Variants in FRMD5 observed in about 807,000 individuals in gnomAD.
FRMD5 encodes FERM domain-containing protein 5.
In FRMD5, 20 loss-of-function variants were observed where a neutral mutation model predicts 69.0. The ratio of observed to expected loss-of-function variants is 0.29; its 90% confidence interval spans 0.20 to 0.42. The LOEUF (loss-of-function observed/expected upper bound fraction) is 0.42. Ranked by LOEUF, FRMD5 falls within the 10% of genes least tolerant of loss-of-function variation. The pLI, the probability that FRMD5 is intolerant of heterozygous loss-of-function variation, is 1.00. For synonymous variants in FRMD5, 271 were observed against 260.1 expected (o/e 1.04, Z -0.40); for missense variants, 595 against 708.6 (o/e 0.84, Z 1.82).
chr15:44,181,211 T>A (rs915758907), intron 1 of FRMD5, among the ~76,000 whole-genome samples: 10 of 152,072 alleles, frequency 6.6e-5, no homozygotes, highest in African/African-American at 2.4e-4. Context: ...AATTTTTTTT[T>A]TTATTATTTT....
At chr15:43,890,901 G>A (rs1015346228) in intron 8 of FRMD5, among the ~76,000 whole-genome samples, 3 of 152,146 alleles carry the variant, frequency 2.0e-5, no homozygotes, top group Non-Finnish European at 4.4e-5. Flanking sequence ...ACTCAGTGGG[G>A]GAGCTGAAGA....
At chr15:44,004,505 A>G (rs118181660) in intron 1 of FRMD5, among the ~76,000 whole-genome samples, 15 of 152,296 alleles carry the variant, frequency 9.8e-5, no homozygotes, top group African/African-American at 3.4e-4. Context: ...AAAGTTTTCC[A>G]TTAATATTAT....
chr15:43,920,538 G>C (rs2089476108), intron 2 of FRMD5, among the ~76,000 whole-genome samples: 1 of 152,156 alleles, frequency 6.6e-6, no homozygotes, highest in Non-Finnish European at 1.5e-5. Context: ...TAACGTCTGG[G>C]GGAAGCAATG....
intron 2 of FRMD5, among the ~76,000 whole-genome samples, chr15:43,920,745 C>CCA: frequency 6.6e-6 from 1 of 152,210 alleles, no homozygotes; most frequent in East Asian, 1.9e-4. Context: ...CACTGTATCA[C>CCA]CAGTGCCTAG....
At chr15:43,990,012 C>T in intron 1 of FRMD5, 2 of 899,248 alleles carry the variant, frequency 2.2e-6, no homozygotes, top group East Asian at 2.6e-5. Flanking sequence ...TGCTCTGGAC[C>T]TCGTTGCCCA....
In FRMD5 at chr15:43,874,854, C is replaced by T. The variant is rs998568418; in HGVS notation, c.1136-392G>A. Among the ~76,000 whole-genome samples the T allele has an allele frequency of 7.2e-5, 11 of 152,018 alleles. No individual in the cohort carries two copies. In the South Asian group the frequency reaches 1.2e-3, roughly 17 times the overall value. The stretch of plus-strand genomic sequence containing the variant: ...GGCGGAGGTTGCAGTGAGCTGAGAT[C>T]GCACTATTACACTCCATCCTCGGCA... On this transcript the variant is annotated intron_variant, in intron 13 of 13. Coordinates refer to ENST00000417257, the MANE Select transcript of FRMD5 (RefSeq NM_032892.5).
chr15:44,076,294 A>T (rs1414519880), intron 1 of FRMD5, among the ~76,000 whole-genome samples: 1 of 151,652 alleles, frequency 6.6e-6, no homozygotes, highest in Non-Finnish European at 1.5e-5. Context: ...AAGGACTATA[A>T]ATCATGCTGC....
chr15:43,890,087 C>T (rs2088759326), intron 8 of FRMD5, among the ~76,000 whole-genome samples: 1 of 152,136 alleles, frequency 6.6e-6, no homozygotes, highest in Non-Finnish European at 1.5e-5. Flanking sequence ...TAACACAAGT[C>T]ACACGGTATT....
At chr15:44,177,503 G>C (rs2077919117) in intron 1 of FRMD5, among the ~76,000 whole-genome samples, 2 of 152,102 alleles carry the variant, frequency 1.3e-5, no homozygotes, top group South Asian at 4.1e-4. Context: ...ATCTAGAATA[G>C]GCAAATCTGG....
At chr15:44,102,701 A>T (rs1355684461) in intron 1 of FRMD5, among the ~76,000 whole-genome samples, 1 of 152,190 alleles carries the variant, frequency 6.6e-6, no homozygotes, top group East Asian at 1.9e-4. Flanking sequence ...AGAGTTCAAA[A>T]AGCCTCCCAG....
At chr15:44,067,535 T>G (rs1456640893) in intron 1 of FRMD5, among the ~76,000 whole-genome samples, 1 of 152,126 alleles carries the variant, frequency 6.6e-6, no homozygotes, top group East Asian at 1.9e-4. Flanking sequence ...ACCAGCAGAT[T>G]TGGTGTCTGG....
chr15:44,167,517 T>C (rs890453098), intron 1 of FRMD5, among the ~76,000 whole-genome samples: 2 of 152,170 alleles, frequency 1.3e-5, no homozygotes, highest in African/African-American at 4.8e-5. Flanking sequence ...ACCTTTTGAG[T>C]GACCAAATGA....
intron 1 of FRMD5, among the ~76,000 whole-genome samples, chr15:44,106,509 A>G (rs2140555971): frequency 6.6e-6 from 1 of 152,234 alleles, no homozygotes; most frequent in African/African-American, 2.4e-5. Context: ...AAGGCCTCCT[A>G]CAACCATCCT....
At chr15:44,007,637 A>ATTT (rs35512441) in intron 1 of FRMD5, among the ~76,000 whole-genome samples, 10,142 of 81,148 alleles carry the variant, frequency 0.12, 1,119 homozygotes, top group Non-Finnish European at 0.15. Context: ...TAATTAACTA[A>ATTT]TTTTTTTTTT....
intron 1 of FRMD5, among the ~76,000 whole-genome samples, chr15:44,088,038 T>C (rs951252941): frequency 2.6e-5 from 4 of 152,310 alleles, no homozygotes; most frequent in East Asian, 1.9e-4. Context: ...TACCATGTGC[T>C]AGTTTTTATG....
At chr15:43,877,787 G>T (rs1322992642) in intron 13 of FRMD5, among the ~76,000 whole-genome samples, 1 of 152,150 alleles carries the variant, frequency 6.6e-6, no homozygotes, top group Non-Finnish European at 1.5e-5. Flanking sequence ...ACTCCACAAG[G>T]TAGTGAGGGC....
chr15:43,944,789 G>A (rs1393790931), intron 1 of FRMD5, among the ~76,000 whole-genome samples: 1 of 152,078 alleles, frequency 6.6e-6, no homozygotes, highest in Non-Finnish European at 1.5e-5. Flanking sequence ...TAGTTAAAGG[G>A]TCAGTCAGAT....
chr15:43,917,595 G>C (rs2089415235), intron 4 of FRMD5: 3 of 152,162 alleles, frequency 2.0e-5, no homozygotes, highest in African/African-American at 7.2e-5. Flanking sequence ...AAGTTGGCGA[G>C]ACTGGTCTCG....
At chr15:44,008,089 A>ATTT (rs35785368) in intron 1 of FRMD5, among the ~76,000 whole-genome samples, 559 of 62,804 alleles carry the variant, frequency 8.9e-3, no homozygotes, top group African/African-American at 0.013. Context: ...ACAATCGGCA[A>ATTT]TTTTTTTTTT....
Sources: allele counts gnomAD v4.1 joint callset (sites outside exome capture counted in the v4.1 genomes callset), GRCh38; gene constraint gnomAD v4.1.1; transcripts MANE v1.5; gene names NCBI Gene and HGNC (gene_info 2026-07-23, HGNC 2026-07-21).